Variants in USP44 observed in about 807,000 individuals in gnomAD.
The protein encoded by USP44 is ubiquitin specific peptidase 44, also known as ubiquitin carboxyl-terminal hydrolase 44.
USP44 carries 61 observed loss-of-function variants against 69.0 expected under a neutral mutation model. The ratio of observed to expected loss-of-function variants is 0.88; its 90% confidence interval spans 0.72 to 1.09. The LOEUF (loss-of-function observed/expected upper bound fraction) is 1.09, where lower values mean the gene tolerates loss of function less well. Ranked by LOEUF, USP44 falls within the 50% of genes least tolerant of loss-of-function variation. USP44 has a pLI of 0.00. For synonymous variants in USP44, 297 were observed against 295.4 expected, an observed-to-expected ratio of 1.01 and a Z score of -0.06; for missense variants, 753 against 849.9, an observed-to-expected ratio of 0.89 and a Z score of 1.42.
intron 1 of USP44, among the ~76,000 whole-genome samples, chr12:95,546,025 G>A (rs993616226): frequency 6.6e-6 from 1 of 152,064 alleles, no homozygotes; most frequent in Non-Finnish European, 1.5e-5. Flanking sequence ...AGTTGAACAC[G>A]TTGTAAGATA....
chr12:95,549,219 T>G (rs1041308728), intron 1 of USP44, among the ~76,000 whole-genome samples: 4 of 152,192 alleles, frequency 2.6e-5, no homozygotes, highest in Non-Finnish European at 1.5e-5. Context: ...TTTAAAACCT[T>G]CCCCAATTCA....
At chr12:95,528,272 C>T (rs1450483695) in intron 3 of USP44, among the ~76,000 whole-genome samples, 1 of 152,228 alleles carries the variant, frequency 6.6e-6, no homozygotes, top group Non-Finnish European at 1.5e-5. Flanking sequence ...AGCACCTTGA[C>T]AGTATCTCAC....
intron 1 of USP44, among the ~76,000 whole-genome samples, chr12:95,541,472 G>A (rs1057251923): frequency 7.9e-5 from 12 of 151,918 alleles, no homozygotes; most frequent in African/African-American, 1.7e-4. Context: ...CCAGCTACTC[G>A]GGGGGCTGAG....
In USP44 at chr12:95,517,414, T is replaced by C. The variant is rs919264264; in HGVS notation, c.*740A>G. 6.6e-6 allele frequency: 1 copy of C among 152,214 alleles called. No homozygotes were observed. Among genetic ancestry groups the C allele is most frequent in the Non-Finnish European group, 1.5e-5 (1 of 68,040 alleles). 9.4% of individuals were successfully genotyped at this position (152,214 alleles called of 1,614,324 possible). ...ACACTGGTTTACTAAATTCAGACTT[T>C]TTATGACTGCTTAATTATTAGACTT... On this transcript the variant is annotated 3_prime_UTR_variant, in exon 6 of 6. Transcript: ENST00000258499.
chr12:95,524,838 G>C, intron 3 of USP44, 50 bp from the exon 4 acceptor site: 2 of 1,513,602 alleles, frequency 1.3e-6, no homozygotes, highest in Non-Finnish European at 1.8e-6. Context: ...AAAGATTCAG[G>C]GAAAAGCTGA....
At position 95,521,037 on chromosome 12, in the gene USP44, G is replaced by A; in HGVS notation, c.1899C>T (p.Gly633=). Residue 633 remains glycine, a synonymous_variant, in exon 5 of 6, where the codon GGC becomes GGT. Coordinates refer to ENST00000258499, the MANE Select transcript of USP44 (RefSeq NM_032147.5). ...AVVMHHGKGF[G]SGHYTAYCYN... Reference sequence around the variant, plus strand: ...AGCAGTAGGCAGTGTAGTGCCCTGAGCCAAATCCTTTCCCATGGTGCATCA... The same window carrying A: ...AGCAGTAGGCAGTGTAGTGCCCTGAACCAAATCCTTTCCCATGGTGCATCA... 1 of 1,614,162 alleles carries A rather than the reference G, an allele frequency of 6.2e-7. No individual in the cohort carries two copies.
rs2076485957 is a variant in USP44 at position 95,516,854 on chromosome 12, T to TG, written c.*1299_*1300insC. 1 of 152,064 alleles carries TG rather than the reference T, an allele frequency of 6.6e-6. No homozygotes were observed. The highest frequency in any genetic ancestry group is 2.4e-5 in the African/African-American group (1 of 41,394). The allele number at this position is 152,064 out of a possible 1,614,324, so 9.4% of individuals were successfully genotyped here. ...GAACAGCATTCTACAGGATACTATCTTTCACTAAGACTTCAACCTGCAAAT... is the reference window on the plus strand; with the variant it reads ...GAACAGCATTCTACAGGATACTATCTGTTCACTAAGACTTCAACCTGCAAAT... On this transcript the variant is annotated 3_prime_UTR_variant, in exon 6 of 6. Transcript: ENST00000258499.
In USP44 at chr12:95,522,012, A is replaced by T. The variant is rs186368760; in HGVS notation, c.1734-810T>A. On this transcript the variant is annotated intron_variant, in intron 4 of 5. Coordinates refer to ENST00000258499, the MANE Select transcript of USP44 (RefSeq NM_032147.5). ...ACCGCCCATTGGTGACAGAACTGAA[A>T]GAATGCCCTTACCCTGTTATTTTCT... 8.3e-5 allele frequency: 82 copies of T among 984,596 alleles called. No individual in the cohort carries two copies. The African/African-American group carries it at 1.3e-3, about 16-fold the overall frequency. The allele number at this position is 984,596 out of a possible 1,614,324, so 61.0% of individuals were successfully genotyped here.
intron 3 of USP44, among the ~76,000 whole-genome samples, chr12:95,528,434 T>A (rs947297239): frequency 9.9e-5 from 15 of 152,246 alleles, no homozygotes; most frequent in Non-Finnish European, 2.2e-4. Context: ...CACGCATTTA[T>A]CTACATATCA....
At chr12:95,545,921 C>T (rs186466295) in intron 1 of USP44, among the ~76,000 whole-genome samples, 1 of 152,218 alleles carries the variant, frequency 6.6e-6, no homozygotes, top group East Asian at 1.9e-4. Context: ...CCTGATCTTG[C>T]TTGGAACTCC....
chr12:95,548,864 C>A lies in USP44; in HGVS notation c.-71+2408G>T, dbSNP rs1352772270. 1.3e-5 allele frequency: 2 copies of A among 152,042 alleles called. No individual in the cohort carries two copies. The highest frequency in any genetic ancestry group is 3.9e-4 in the East Asian group (2 of 5,168). The allele number at this position is 152,042 out of a possible 1,614,324, so 9.4% of individuals were successfully genotyped here. On this transcript the variant is annotated intron_variant, in intron 1 of 5. Transcript: ENST00000258499. This position sits in a 1 kb window ranked among gnomAD's most constrained non-coding sequence, Gnocchi z 4.1. ...CGACCCGGTGCGGCGGCTACGACAG[C>A]CGTGACGCGCAGCAGGCCCCGCCCC...
intron 1 of USP44, among the ~76,000 whole-genome samples, chr12:95,535,218 A>C (rs527352543): frequency 6.8e-4 from 103 of 152,334 alleles, no homozygotes; most frequent in African/African-American, 2.4e-3. Flanking sequence ...ACCAACTTCA[A>C]TTGAGTTGTT....
intron 1 of USP44, among the ~76,000 whole-genome samples, chr12:95,537,869 C>T (rs1246410268): frequency 1.3e-5 from 2 of 152,130 alleles, no homozygotes; most frequent in Non-Finnish European, 2.9e-5. Flanking sequence ...ATAAAAACAG[C>T]TCAGATAGTG....
chr12:95,549,053 T>C (rs1592763972), intron 1 of USP44, among the ~76,000 whole-genome samples: 1 of 152,184 alleles, frequency 6.6e-6, no homozygotes, highest in African/African-American at 2.4e-5. Context: ...GCTTCGCACC[T>C]GTAGTGCCGT....
At chr12:95,521,896 A>G (rs2140218474) in intron 4 of USP44, 1 of 346,638 alleles carries the variant, frequency 2.9e-6, no homozygotes, top group East Asian at 1.7e-4. Flanking sequence ...GGAAAACAAA[A>G]CAGGGCATCT....
intron 1 of USP44, among the ~76,000 whole-genome samples, chr12:95,534,677 C>CG (rs932612030): frequency 1.4e-5 from 2 of 142,230 alleles, no homozygotes; most frequent in African/African-American, 5.2e-5. Context: ...ACTGCATTCC[C>CG]TTTTTTTTTT....
chr12:95,529,613 C>G (rs1202266504), intron 2 of USP44, among the ~76,000 whole-genome samples: 1 of 151,984 alleles, frequency 6.6e-6, no homozygotes, highest in African/African-American at 2.4e-5. Context: ...AGTAAACGGG[C>G]TTTCGCCATG....
intron 4 of USP44, chr12:95,521,998 G>A: frequency 1.0e-6 from 1 of 975,824 alleles, no homozygotes; most frequent in East Asian, 1.1e-4. Flanking sequence ...CCGCCCATTG[G>A]TGACAGAACT....
chr12:95,533,210 T>C lies in USP44; in HGVS notation c.1047A>G (p.Gln349=), dbSNP rs1271876706. The C allele has an allele frequency of 6.2e-7, 1 of 1,614,054 alleles. No individual in the cohort carries two copies. Among genetic ancestry groups the C allele is most frequent in the Non-Finnish European group, 8.5e-7 (1 of 1,180,012 alleles). Residue 349 remains glutamine, a synonymous_variant, in exon 2 of 6, where the codon CAA becomes CAG. Transcript: ENST00000258499. The stretch of plus-strand genomic sequence containing the variant: ...CACTTAGTCCTGATGACAGACTTGA[T>C]TGTCTGGAGCAAACAAAACCTGTAT... ...EKDTGFVCSR[Q]SSLSSGLSGG...
Sources: allele counts gnomAD v4.1 joint callset (sites outside exome capture counted in the v4.1 genomes callset), GRCh38; gene constraint gnomAD v4.1.1; non-coding constraint Gnocchi (gnomAD v3.1); transcripts MANE v1.5; gene names NCBI Gene and HGNC (gene_info 2026-07-23, HGNC 2026-07-21).